Variants in LMO2 observed in about 807,000 individuals in gnomAD.
The protein encoded by LMO2 is LIM domain only 2, also known as rhombotin-2.
Under a neutral mutation model 23.2 loss-of-function variants are expected in LMO2, and 20 were observed. The observed-to-expected ratio is 0.86, with a 90% CI of 0.61 to 1.25. The LOEUF (loss-of-function observed/expected upper bound fraction) is 1.25. Among genes scored for constraint, LMO2 ranks in the 50% most tolerant of loss-of-function variants. The probability of loss-of-function intolerance (pLI) is 0.00; values close to 1 mark genes in which losing one functional copy is unlikely to be tolerated. For synonymous variants in LMO2, 123 were observed against 130.2 expected (o/e 0.94, Z 0.38); for missense variants, 270 against 315.3 (o/e 0.86, Z 1.09).
rs1436440366 is a variant in LMO2, at chr11:33,864,939, A to G, written c.249-122T>C. The G allele has an allele frequency of 2.3e-6, 2 of 852,678 alleles. No homozygotes were observed. Among genetic ancestry groups the G allele is most frequent in the African/African-American group, 3.3e-5 (2 of 60,220 alleles). The allele number at this position is 852,678 out of a possible 1,614,324, so 52.8% of individuals were successfully genotyped here. On this transcript the variant is annotated intron_variant, in intron 4 of 5. Coordinates refer to ENST00000257818, the MANE Select transcript of LMO2 (RefSeq NM_005574.4). This position sits in a 1 kb window ranked among gnomAD's most constrained non-coding sequence, Gnocchi z 4.8. ...ACTGCCTTTCAGTGACCTAAGGGAG[A>G]AGGGACAGGACAACACATCCCTTGG...
Position 33,864,990 on chromosome 11 carries a change from T to C in LMO2, c.249-173A>G, listed in dbSNP as rs1187804854. The C allele has an allele frequency of 1.4e-5, 9 of 663,514 alleles. No individual in the cohort carries two copies. Among genetic ancestry groups the C allele is most frequent in the Middle Eastern group, 2.4e-4 (1 of 4,154 alleles). The allele number at this position is 663,514 out of a possible 1,614,324, so 41.1% of individuals were successfully genotyped here. ...CCAGACTGCAGAGTCCCAACCAACC[T>C]TGGGTTAAGACGGGAAAGAGCCAGA... On this transcript the variant is annotated intron_variant, in intron 4 of 5. Coordinates refer to ENST00000257818, the MANE Select transcript of LMO2 (RefSeq NM_005574.4). This position sits in a 1 kb window ranked among gnomAD's most constrained non-coding sequence, Gnocchi z 4.8.
chr11:33,870,296 A>G, intron 2 of LMO2: 2 of 934,572 alleles, frequency 2.1e-6, no homozygotes, highest in Non-Finnish European at 2.6e-6. Context: ...GTAACCCACG[A>G]ACAGCTCGAG....
intron 2 of LMO2, among the ~76,000 whole-genome samples, chr11:33,875,147 G>A (rs1163707782): frequency 6.6e-6 from 1 of 152,244 alleles, no homozygotes. Flanking sequence ...CTGTAAAGCG[G>A]GAGTATTCAG....
chr11:33,863,986 G>C (rs1856679068), intron 5 of LMO2, among the ~76,000 whole-genome samples: 1 of 152,174 alleles, frequency 6.6e-6, no homozygotes, highest in South Asian at 2.1e-4. Flanking sequence ...GCTTAGGAAG[G>C]TTAAATAACT....
chr11:33,884,533 T>G (rs75639532), intron 1 of LMO2, among the ~76,000 whole-genome samples: 3 of 152,172 alleles, frequency 2.0e-5, no homozygotes, highest in Non-Finnish European at 2.9e-5. Context: ...CCCTAACATT[T>G]GGTTCACCAT....
chr11:33,872,415 A>G (rs981511280), intron 2 of LMO2, among the ~76,000 whole-genome samples: 1 of 152,260 alleles, frequency 6.6e-6, no homozygotes, highest in African/African-American at 2.4e-5. Context: ...GGTGGCACAT[A>G]GATTTGTAAT....
intron 5 of LMO2, among the ~76,000 whole-genome samples, chr11:33,860,325 C>G (rs1856523883): frequency 6.6e-6 from 1 of 152,156 alleles, no homozygotes; most frequent in African/African-American, 2.4e-5. Flanking sequence ...AAGACTCTCC[C>G]AAGCCTCAGT....
intron 2 of LMO2, chr11:33,881,007 G>C (rs1857267809): frequency 2.8e-6 from 1 of 354,894 alleles, no homozygotes; most frequent in Non-Finnish European, 5.6e-6. Flanking sequence ...ATTATGCAAA[G>C]CCACAGCATT....
At position 33,879,118 on chromosome 11, in the gene LMO2, A is replaced by G. The variant is rs144840699; in HGVS notation, c.-272+2706T>C. Among the ~76,000 whole-genome samples the G allele has an allele frequency of 2.8e-3, 422 of 152,288 alleles. 3 individuals are homozygous for G. Among genetic ancestry groups the G allele is most frequent in the East Asian group, 2.9e-3 (15 of 5,180 alleles). On this transcript the variant is annotated intron_variant, in intron 2 of 5. Transcript: ENST00000257818. ...ACTATAACATTCTTAAAGAAAACACAGGGGAACAGCTTCATGACATTGGAT... is the reference window on the plus strand; with the variant it reads ...ACTATAACATTCTTAAAGAAAACACGGGGGAACAGCTTCATGACATTGGAT...
At chr11:33,889,020 G>A (rs758744740) in intron 1 of LMO2, among the ~76,000 whole-genome samples, 28 of 152,178 alleles carry the variant, frequency 1.8e-4, no homozygotes, top group Non-Finnish European at 2.6e-4. Flanking sequence ...TTCCGTTAGG[G>A]TAGAATACCC....
intron 2 of LMO2, among the ~76,000 whole-genome samples, chr11:33,873,871 G>A (rs1478513965): frequency 6.6e-6 from 1 of 152,162 alleles, no homozygotes; most frequent in East Asian, 1.9e-4. Flanking sequence ...GGGAACAGCA[G>A]TTTCAAGTGA....
intron 2 of LMO2, 82 bp from the exon 3 acceptor site, chr11:33,870,069 CCT>C: frequency 2.5e-6 from 1 of 400,398 alleles, no homozygotes; most frequent in Non-Finnish European, 3.3e-6. Context: ...CTTTTTTCTT[CCT>C]TTTTTTTTTT....
In LMO2 at chr11:33,869,723, C is replaced by CCCGCCG. The variant is rs773253746; in HGVS notation, c.-13_-8dup. 1.2e-5 allele frequency: 15 copies of CCCGCCG among 1,269,668 alleles called. No homozygotes were observed. In the East Asian group the frequency reaches 3.3e-4, roughly 28 times the overall value. The allele number at this position is 1,269,668 out of a possible 1,614,324, so 78.7% of individuals were successfully genotyped here. ...TCAGGACTTAACCTTCCATCCCGGT[C>CCCGCCG]CCGCCGCCGCCACCGCCCGGTCCCT... On this transcript the variant is annotated 5_prime_UTR_variant, in exon 3 of 6. Transcript: ENST00000257818.
chr11:33,864,673 G>A lies in LMO2; in HGVS notation c.393C>T (p.Cys131=), dbSNP rs1475362922. The stretch of plus-strand genomic sequence containing the variant: ...GGCGCCGCCCCACCTCACCCAGCCG[G>A]CAGCCACAGAGGTCGCAGCTCAGGC... ...EDCLSCDLCG[C]RLGEVGRRLY... is the part of the protein sequence containing the mutation. The change falls in exon 5 of 6, where the codon TGC becomes TGT. Residue 131 remains cysteine (C), a synonymous_variant. Transcript: ENST00000257818. The surrounding 1 kb of genome is among the most constrained non-coding windows in gnomAD (Gnocchi z 4.8). 1.2e-6 allele frequency: 2 copies of A among 1,613,940 alleles called. No individual in the cohort carries two copies. The highest frequency in any genetic ancestry group is 1.7e-6 in the Non-Finnish European group (2 of 1,180,034).
At chr11:33,878,879 C>T (rs1450073926) in intron 2 of LMO2, among the ~76,000 whole-genome samples, 5 of 152,226 alleles carry the variant, frequency 3.3e-5, no homozygotes, top group Non-Finnish European at 7.3e-5. Context: ...TCTTCACTAG[C>T]TCCCAGGGTA....
In LMO2 at chr11:33,861,431, T is replaced by C. The variant is rs137923257; in HGVS notation, c.465-1856A>G. On this transcript the variant is annotated intron_variant, in intron 5 of 5. Coordinates refer to ENST00000257818, the MANE Select transcript of LMO2 (RefSeq NM_005574.4). The stretch of plus-strand genomic sequence containing the variant: ...AGGTGGTCTGTGAGTGGAGAGCTCA[T>C]TGTTCGGGCCAGGGCCAGCTAATTT... 5.7e-3 allele frequency among the ~76,000 whole-genome samples: 865 copies of C among 152,312 alleles called. 4 individuals are homozygous for C. The highest frequency in any genetic ancestry group is 0.014 in the Middle Eastern group (4 of 294).
chr11:33,873,849 A>G (rs560290687), intron 2 of LMO2, among the ~76,000 whole-genome samples: 5 of 152,178 alleles, frequency 3.3e-5, no homozygotes, highest in Non-Finnish European at 5.9e-5. Flanking sequence ...TACATTTACA[A>G]TTGTTTTCTA....
chr11:33,885,556 G>A (rs901672558), intron 1 of LMO2, among the ~76,000 whole-genome samples: 4 of 152,242 alleles, frequency 2.6e-5, no homozygotes, highest in Non-Finnish European at 5.9e-5. Flanking sequence ...AAGTTAGCCC[G>A]GAGATAGCCT....
chr11:33,863,131 C>T (rs1231271609), intron 5 of LMO2, among the ~76,000 whole-genome samples: 1 of 152,000 alleles, frequency 6.6e-6, no homozygotes, highest in Non-Finnish European at 1.5e-5. Context: ...GTCAAGGGTC[C>T]GATGGGAATC....
Sources: allele counts gnomAD v4.1 joint callset (sites outside exome capture counted in the v4.1 genomes callset), GRCh38; gene constraint gnomAD v4.1.1; non-coding constraint Gnocchi (gnomAD v3.1); transcripts MANE v1.5; gene names NCBI Gene and HGNC (gene_info 2026-07-23, HGNC 2026-07-21).